ATRN: variants seen among roughly 807,000 people sequenced by gnomAD.
ATRN encodes the protein attractin-2.
ATRN carries 54 observed loss-of-function variants against 178.7 expected under a neutral mutation model. That is an observed-to-expected ratio of 0.30 (90% CI 0.24 to 0.38). The LOEUF is 0.38. Ranked by LOEUF, ATRN falls within the 10% of genes least tolerant of loss-of-function variation. ATRN has a pLI of 1.00. For synonymous variants in ATRN, 636 were observed against 663.0 expected (o/e 0.96, Z 0.63); for missense variants, 1,443 against 1,815.1 (o/e 0.79, Z 3.73).
intron 19 of ATRN, among the ~76,000 whole-genome samples, chr20:3,591,899 A>T (rs546729283): frequency 9.2e-5 from 14 of 152,188 alleles, no homozygotes; most frequent in Non-Finnish European, 2.1e-4. Context: ...AGGAATGTGA[A>T]CATGTGAAGG....
rs1000226604 is a variant in ATRN, at chr20:3,594,410, G to A, written c.3323-69G>A. 7.5e-6 allele frequency: 10 copies of A among 1,338,724 alleles called. No individual in the cohort carries two copies. The African/African-American group carries it at 1.5e-4, about 19-fold the overall frequency. 82.9% of individuals were successfully genotyped at this position (1,338,724 alleles called of 1,614,324 possible). ...CAATTCAGATAAAATTGCTTGTTTTGGAAAAAGTCTCCAATAGTCAGAATT... is the reference window on the plus strand; with the variant it reads ...CAATTCAGATAAAATTGCTTGTTTTAGAAAAAGTCTCCAATAGTCAGAATT... On this transcript the variant is annotated intron_variant, in intron 19 of 28. Transcript: ENST00000262919.
At chr20:3,472,337 G>T (rs1042677482) in intron 1 of ATRN, among the ~76,000 whole-genome samples, 1 of 151,594 alleles carries the variant, frequency 6.6e-6, no homozygotes, top group Non-Finnish European at 1.5e-5. Context: ...TTGGAATATA[G>T]CAAGAGAAAG....
At chr20:3,479,163 T>A (rs1423469817) in intron 1 of ATRN, among the ~76,000 whole-genome samples, 1 of 152,138 alleles carries the variant, frequency 6.6e-6, no homozygotes, top group Non-Finnish European at 1.5e-5. Flanking sequence ...AGTGCTGGGA[T>A]TACAGGCATG....
intron 11 of ATRN, among the ~76,000 whole-genome samples, chr20:3,572,257 T>G (rs377348932): frequency 1.3e-5 from 2 of 152,196 alleles, no homozygotes; most frequent in Non-Finnish European, 2.9e-5. Flanking sequence ...AATTGCTGTT[T>G]AGCATTAAAA....
intron 1 of ATRN, among the ~76,000 whole-genome samples, chr20:3,503,243 GCTAA>G (rs1348010703): frequency 4.6e-5 from 7 of 152,164 alleles, no homozygotes; most frequent in East Asian, 1.9e-4. Flanking sequence ...AAACAGGGTG[GCTAA>G]CTGTTAAAAG....
rs2086498213 is a variant in ATRN at position 3,594,591 on chromosome 20, G to C, written c.3416+19G>C. 6.3e-7 allele frequency: 1 copy of C among 1,596,202 alleles called. No homozygotes were observed. The highest frequency in any genetic ancestry group is 1.3e-5 in the African/African-American group (1 of 74,464). On this transcript the variant is annotated intron_variant, in intron 20 of 28. Coordinates refer to ENST00000262919, the MANE Select transcript of ATRN (RefSeq NM_139321.3). ...GCCAGCTGTGAGTACCATACTCCCTGGACCACCAGGGAGGACCAAGAGGCT... is the reference window on the plus strand; with the variant it reads ...GCCAGCTGTGAGTACCATACTCCCTCGACCACCAGGGAGGACCAAGAGGCT...
Position 3,542,972 on chromosome 20 carries a change from G to T in ATRN, c.608+2637G>T, listed in dbSNP as rs114189755. On this transcript the variant is annotated intron_variant, in intron 3 of 28. Coordinates refer to ENST00000262919, the MANE Select transcript of ATRN (RefSeq NM_139321.3). ...CTTTTGACATACCTGTTTCCAGGTGGCCCTGATCTTGTCAGTACTTATTCC... is the reference window on the plus strand; with the variant it reads ...CTTTTGACATACCTGTTTCCAGGTGTCCCTGATCTTGTCAGTACTTATTCC... 7.3e-3 allele frequency among the ~76,000 whole-genome samples: 1,117 copies of T among 152,130 alleles called. 7 individuals are homozygous for T. The highest frequency in any genetic ancestry group is 0.025 in the African/African-American group (1,048 of 41,502).
intron 24 of ATRN, among the ~76,000 whole-genome samples, chr20:3,622,520 T>C (rs1232094834): frequency 6.6e-6 from 1 of 152,258 alleles, no homozygotes. Flanking sequence ...TTACCTCGTG[T>C]AATTTTTAAC....
intron 26 of ATRN, among the ~76,000 whole-genome samples, chr20:3,636,365 A>G (rs1038016596): frequency 1.3e-5 from 2 of 152,228 alleles, no homozygotes; most frequent in African/African-American, 4.8e-5. Context: ...ATATCATGTC[A>G]ATGGGGAAAA....
At chr20:3,476,256 T>C (rs1194230728) in intron 1 of ATRN, among the ~76,000 whole-genome samples, 1 of 152,214 alleles carries the variant, frequency 6.6e-6, no homozygotes, top group Non-Finnish European at 1.5e-5. Flanking sequence ...ATGAGTAAAC[T>C]TGGATGTACT....
intron 22 of ATRN, among the ~76,000 whole-genome samples, chr20:3,600,201 G>A (rs866177995): frequency 1.8e-4 from 27 of 151,990 alleles, no homozygotes; most frequent in African/African-American, 5.8e-4. Context: ...TCCTCCACTG[G>A]CTTAACAGAT....
intron 8 of ATRN, 40 bp from the exon 9 acceptor site, chr20:3,562,236 G>A (rs376147226): frequency 2.6e-6 from 4 of 1,548,244 alleles, no homozygotes; most frequent in East Asian, 2.3e-5. Context: ...TAGAGAGGAG[G>A]AGCCTGCCAT....
intron 28 of ATRN, 120 bp from the exon 29 acceptor site, chr20:3,646,603 T>C: frequency 2.2e-6 from 3 of 1,369,842 alleles, no homozygotes; most frequent in Admixed American, 2.9e-5. Flanking sequence ...TTTTTTGTTC[T>C]GGTTTTTTGG....
At chr20:3,475,956 G>T (rs899312254) in intron 1 of ATRN, among the ~76,000 whole-genome samples, 5 of 152,142 alleles carry the variant, frequency 3.3e-5, no homozygotes, top group Admixed American at 3.3e-4. Flanking sequence ...ACCAACCTGG[G>T]CAACAAAGTG....
chr20:3,528,013 A>G (rs2085394912), intron 1 of ATRN, among the ~76,000 whole-genome samples: 2 of 152,050 alleles, frequency 1.3e-5, no homozygotes, highest in African/African-American at 4.8e-5. Flanking sequence ...GCACGTGTGT[A>G]CCTGTGTAAC....
In ATRN at chr20:3,572,970, A is replaced by G; in HGVS notation, c.2092+19A>G. The G allele has an allele frequency of 6.2e-7, 1 of 1,600,872 alleles. No individual in the cohort carries two copies. Among genetic ancestry groups the G allele is most frequent in the Non-Finnish European group, 8.5e-7 (1 of 1,169,924 alleles). Reference sequence around the variant, plus strand: ...AAAAGAAGTATGTTTTTTTTTCTCTACTTAGATTTTAATGAATTTGAGACC... The same window carrying G: ...AAAAGAAGTATGTTTTTTTTTCTCTGCTTAGATTTTAATGAATTTGAGACC... On this transcript the variant is annotated intron_variant, in intron 12 of 28. Coordinates refer to ENST00000262919, the MANE Select transcript of ATRN (RefSeq NM_139321.3).
chr20:3,572,813 C>T lies in ATRN; in HGVS notation c.1954C>T (p.Arg652Trp), dbSNP rs139496515. ...CACCTCGGAACAGTGTGATGCGCAT[C>T]GGAGTGAAGCCGCTTGTTTAGCAGC... is the stretch of plus-strand genomic sequence containing the variant. The part of the protein sequence containing the change: ...VFTSEQCDAH[R>W]SEAACLAAGP... The change falls in exon 12 of 29, where the codon CGG becomes TGG. Residue 652 changes from arginine to tryptophan, a missense_variant. By Grantham distance (101) the Arg-to-Trp change is moderately radical. Around this residue, in one of 4 missense-constraint regions of ATRN, gnomAD observed 862 missense variants for 972.1 expected, o/e 0.89. Transcript: ENST00000262919. The T allele has an allele frequency of 4.5e-5, 72 of 1,613,740 alleles. No individual in the cohort carries two copies. Among genetic ancestry groups the T allele is most frequent in the Admixed American group, 1.5e-4 (9 of 59,920 alleles).
At position 3,528,919 on chromosome 20, in the gene ATRN, CCTT is replaced by C. The variant is rs561659517; in HGVS notation, c.411-6331_411-6329del. Among the ~76,000 whole-genome samples, 627 of 152,164 alleles carry C rather than the reference CCTT, an allele frequency of 4.1e-3. 4 individuals are homozygous for C. Among genetic ancestry groups the C allele is most frequent in the African/African-American group, 0.014 (591 of 41,528 alleles). On this transcript the variant is annotated intron_variant, in intron 1 of 28. Coordinates refer to ENST00000262919, the MANE Select transcript of ATRN (RefSeq NM_139321.3). Reference sequence around the variant, plus strand: ...CCTCTGCTTCCTGGGCTCAAGCAATCCTTCTACCTTAACCTCCCAAGTAGCTGG... The same window carrying C: ...CCTCTGCTTCCTGGGCTCAAGCAATCCTACCTTAACCTCCCAAGTAGCTGG...
chr20:3,628,376 C>T (rs1399139169), intron 25 of ATRN, among the ~76,000 whole-genome samples: 1 of 152,170 alleles, frequency 6.6e-6, no homozygotes, highest in Non-Finnish European at 1.5e-5. Flanking sequence ...AGTTTGGGAA[C>T]AAGACAGAGA....
Sources: gnomAD v4.1 joint callset for allele counts (sites outside exome capture counted in the v4.1 genomes callset) on GRCh38, gnomAD v4.1.1 for gene constraint, gnomAD v4.1.1 regional missense constraint, MANE v1.5 for transcripts, NCBI Gene and HGNC (gene_info 2026-07-23, HGNC 2026-07-21) for gene names.